Variants in UTP14A observed in about 807,000 individuals in gnomAD.
The protein encoded by UTP14A is UTP14A small subunit processome component, also known as U3 small nucleolar RNA-associated protein 14 homolog A.
In UTP14A, 5 loss-of-function variants were observed where a neutral mutation model predicts 57.2. The observed-to-expected ratio is 0.09, with a 90% CI of 0.05 to 0.18. UTP14A has a LOEUF of 0.18. Ranked by LOEUF, UTP14A falls within the 10% of genes least tolerant of loss-of-function variation. The pLI, the probability that UTP14A is intolerant of heterozygous loss-of-function variation, is 1.00. For missense variants in UTP14A, 430 were observed against 562.1 expected, an observed-to-expected ratio of 0.76 and a Z score of 2.38; for synonymous variants, 169 against 210.9, an observed-to-expected ratio of 0.80 and a Z score of 1.72.
Position 129,921,480 on chromosome X carries a change from T to C in UTP14A, c.1241T>C (p.Val414Ala), listed in dbSNP as rs760320641. ...GAAAGTGAGGGAGAAGAAAGACCAG[T>C]GGCAGAAGAAGAAATTTTGTTGAGA... ...VSESEGEERPVAEEEILLREF... is the reference protein window; with the variant it reads ...VSESEGEERPAAEEEILLREF... Residue 414 changes from valine to alanine, a missense_variant, in exon 11 of 15, where the codon GTG (valine) becomes GCG (alanine). Around this residue, in one of 4 missense-constraint regions of UTP14A, gnomAD observed 120 missense variants for 116.8 expected, o/e 1.03. Transcript: ENST00000394422. 5.0e-6 allele frequency: 6 copies of C among 1,209,792 alleles called. No individual in the cohort carries two copies. The East Asian group carries it at 1.8e-4, about 36-fold the overall frequency.
chrX:129,926,151 G>C (rs965645688), intron 13 of UTP14A, 39 bp downstream of exon 13: 15 of 1,207,344 alleles, frequency 1.2e-5, no homozygotes, highest in Non-Finnish European at 1.7e-5. Context: ...AGGGCACCGG[G>C]TTCTCCCCTC....
In UTP14A at chrX:129,929,670, G is replaced by T; in HGVS notation, c.*62G>T. 1 of 1,155,282 alleles carries T rather than the reference G, an allele frequency of 8.7e-7. No homozygotes were observed. Among genetic ancestry groups the T allele is most frequent in the Non-Finnish European group, 1.2e-6 (1 of 858,952 alleles). The stretch of plus-strand genomic sequence containing the variant: ...ACTTCCTTTGGTCCAGTTTTACTCT[G>T]ATACAGGGTGGATTCCAAAACTGGC... On this transcript the variant is annotated 3_prime_UTR_variant, in exon 15 of 15. Coordinates refer to ENST00000394422, the MANE Select transcript of UTP14A (RefSeq NM_006649.4).
intron 14 of UTP14A, among the ~76,000 whole-genome samples, chrX:129,928,702 G>A (rs1463280726): frequency 4.5e-5 from 5 of 109,912 alleles, no homozygotes; most frequent in Non-Finnish European, 5.7e-5. Context: ...TGCAGTGAGC[G>A]GAGATCGTGC....
chrX:129,909,725 A>G (rs1171371416), intron 4 of UTP14A, among the ~76,000 whole-genome samples: 2 of 111,863 alleles, frequency 1.8e-5, no homozygotes, highest in Admixed American at 1.9e-4. Context: ...TACATGCTCT[A>G]ATAAGCGGCA....
intron 4 of UTP14A, among the ~76,000 whole-genome samples, chrX:129,908,947 CAG>C (rs1287571264): frequency 1.8e-5 from 2 of 112,033 alleles, no homozygotes; most frequent in Non-Finnish European, 3.8e-5. Flanking sequence ...AGGTATCCTA[CAG>C]AGTTTGATGA....
chrX:129,910,149 C>A (rs1371594373), intron 4 of UTP14A, among the ~76,000 whole-genome samples: 1 of 111,521 alleles, frequency 9.0e-6, no homozygotes, highest in Non-Finnish European at 1.9e-5. Flanking sequence ...GCATTTCAGG[C>A]CAAGGAACAG....
Position 129,921,244 on chromosome X carries a change from G to A in UTP14A, c.1005G>A (p.Gln335=). 8.3e-7 allele frequency: 1 copy of A among 1,210,870 alleles called. No homozygotes were observed. The highest frequency in any genetic ancestry group is 1.1e-6 in the Non-Finnish European group (1 of 895,275). ...TGTCTAAGAACAAAGAACTGACACA[G>A]AAACTCCAGGTAGCCTCTGAGAGTG... ...EQLSKNKELT[Q]KLQVASESEE... The change falls in exon 11 of 15, where the codon CAG becomes CAA. Residue 335 remains glutamine, a synonymous_variant. Coordinates refer to ENST00000394422, the MANE Select transcript of UTP14A (RefSeq NM_006649.4).
At chrX:129,916,905 G>A (rs758218608) in intron 6 of UTP14A, among the ~76,000 whole-genome samples, 1 of 111,222 alleles carries the variant, frequency 9.0e-6, no homozygotes, top group Non-Finnish European at 1.9e-5. Context: ...AATTCAAAAG[G>A]TCACTTCCTT....
chrX:129,908,526 C>T (rs1602996375), intron 3 of UTP14A, 144 bp from the exon 4 acceptor site: 1 of 575,197 alleles, frequency 1.7e-6, no homozygotes, highest in East Asian at 3.3e-5. Flanking sequence ...GAACAGATCT[C>T]CTTGCTGCAT....
At chrX:129,929,135 A>C (rs182902451) in intron 14 of UTP14A, among the ~76,000 whole-genome samples, 1 of 111,468 alleles carries the variant, frequency 9.0e-6, no homozygotes, top group Admixed American at 9.5e-5. Context: ...AGGCCCCCCT[A>C]CTCCCAAATG....
At chrX:129,923,064 A>C (rs1400607041) in intron 11 of UTP14A, 1 of 112,092 alleles carries the variant, frequency 8.9e-6, no homozygotes, top group Non-Finnish European at 1.9e-5. Flanking sequence ...ATTTTCTCAC[A>C]CCTTCCAAGA....
intron 5 of UTP14A, 58 bp from the exon 6 acceptor site, chrX:129,911,708 T>G: frequency 5.1e-6 from 6 of 1,177,753 alleles, no homozygotes; most frequent in Non-Finnish European, 6.9e-6. Flanking sequence ...TGTTAGTCCT[T>G]TGGGTTTGAT....
intron 14 of UTP14A, among the ~76,000 whole-genome samples, chrX:129,927,275 A>G (rs184316788): frequency 9.0e-6 from 1 of 111,470 alleles, no homozygotes; most frequent in East Asian, 2.8e-4. Context: ...AACATGCAGT[A>G]GAATAAAGTG....
chrX:129,919,284 G>T lies in UTP14A; in HGVS notation c.647G>T (p.Ser216Ile), dbSNP rs780895698. The T allele has an allele frequency of 8.3e-7, 1 of 1,211,804 alleles. No homozygotes were observed. Among genetic ancestry groups the T allele is most frequent in the Non-Finnish European group, 1.1e-6 (1 of 895,574 alleles). Residue 216 changes from serine (S) to isoleucine (I), a missense_variant, in exon 7 of 15, where the codon AGC becomes ATC. By Grantham distance (142) the Ser-to-Ile change is moderately radical (BLOSUM62 -2). Coordinates refer to ENST00000394422, the MANE Select transcript of UTP14A (RefSeq NM_006649.4). The part of the protein sequence containing the change: ...PVEKASLRAM[S>I]LEEAKMRRAE... ...GAAAAGGCCTCTCTCCGAGCCATGAGCCTAGAAGAGGTAAGTGTGTCATAG... is the reference window on the plus strand; with the variant it reads ...GAAAAGGCCTCTCTCCGAGCCATGATCCTAGAAGAGGTAAGTGTGTCATAG...
At chrX:129,926,168 C>A in intron 13 of UTP14A, 56 bp downstream of exon 13, 1 of 1,205,631 alleles carries the variant, frequency 8.3e-7, no homozygotes, top group South Asian at 1.8e-5. Flanking sequence ...CCTCGCCCTT[C>A]GGTGTCCTCC....
In UTP14A at chrX:129,911,903, T is replaced by C. The variant is rs1358193612; in HGVS notation, c.519T>C (p.His173=). The C allele has an allele frequency of 1.7e-5, 20 of 1,211,267 alleles. No individual in the cohort carries two copies. The South Asian group carries it at 3.2e-4, about 19-fold the overall frequency. The part of the protein sequence containing the change: ...KEEPAIAPIE[H]VLSGWKARTP... ...AGCCAGCCATTGCTCCCATTGAACA[T>C]GTGCTCAGTGGCTGGAAGGTGAGTA... The change falls in exon 6 of 15, where the codon CAT becomes CAC. Residue 173 remains histidine (H), a synonymous_variant. Transcript: ENST00000394422.
chrX:129,918,927 C>T (rs1043877368), intron 6 of UTP14A, among the ~76,000 whole-genome samples: 1 of 110,876 alleles, frequency 9.0e-6, no homozygotes, highest in Admixed American at 9.6e-5. Flanking sequence ...ACACAGTGAT[C>T]CCCCTCAGCA....
At chrX:129,915,746 C>T (rs923388613) in intron 6 of UTP14A, among the ~76,000 whole-genome samples, 5 of 110,154 alleles carry the variant, frequency 4.5e-5, no homozygotes, top group Admixed American at 2.0e-4. Context: ...TCCCCTACTG[C>T]CCTACTGAAA....
At chrX:129,929,247 C>T (rs1930228728) in intron 14 of UTP14A, 89 bp from the exon 15 acceptor site, 5 of 1,100,911 alleles carry the variant, frequency 4.5e-6, no homozygotes, top group Non-Finnish European at 6.1e-6. Flanking sequence ...GTGGCCTGTA[C>T]CAAAACAGTA....
Sources: allele counts gnomAD v4.1 joint callset (sites outside exome capture counted in the v4.1 genomes callset), GRCh38; gene constraint gnomAD v4.1.1; regional missense constraint gnomAD v4.1.1; transcripts MANE v1.5; gene names NCBI Gene and HGNC (gene_info 2026-07-23, HGNC 2026-07-21).